Variants in RARS1 observed in about 807,000 individuals in gnomAD.
The protein encoded by RARS1 is arginyl-tRNA synthetase 1, also known as arginine--tRNA ligase, cytoplasmic.
RARS1 carries 75 observed loss-of-function variants against 78.7 expected under a neutral mutation model. The ratio of observed to expected loss-of-function variants is 0.95; its 90% CI spans 0.79 to 1.15. RARS1 has a LOEUF of 1.15. RARS1 is among the 50% of genes most tolerant of loss of function. The probability of loss-of-function intolerance (pLI) is 0.00; values close to 1 mark genes in which losing one functional copy is unlikely to be tolerated. For synonymous variants in RARS1, 273 were observed against 268.2 expected (o/e 1.02, Z -0.18); for missense variants, 787 against 787.5 (o/e 1.00, Z 0.01).
At chr5:168,509,950 G>T (rs1758534014) in intron 11 of RARS1, among the ~76,000 whole-genome samples, 1 of 152,116 alleles carries the variant, frequency 6.6e-6, no homozygotes, top group South Asian at 2.1e-4. Flanking sequence ...CAGCCTGGGT[G>T]ACAGAGCAAG....
In RARS1 at chr5:168,497,308, C is replaced by T. The variant is rs749161105; in HGVS notation, c.782C>T (p.Thr261Ile). Reference sequence around the variant, plus strand: ...CAAGACAAATTTCCAGATTATCTAACAGTTTCACCTCCTATTGGGGATCTT... The same window carrying T: ...CAAGACAAATTTCCAGATTATCTAATAGTTTCACCTCCTATTGGGGATCTT... ...HLQDKFPDYL[T>I]VSPPIGDLQV... Residue 261 changes from threonine to isoleucine, a missense_variant, in exon 7 of 15, where the codon ACA becomes ATA. Transcript: ENST00000231572. The T allele has an allele frequency of 6.3e-6, 10 of 1,591,216 alleles. No individual in the cohort carries two copies. Among genetic ancestry groups the T allele is most frequent in the East Asian group, 2.3e-5 (1 of 44,220 alleles).
chr5:168,501,452 C>G (rs1046563690), intron 8 of RARS1, among the ~76,000 whole-genome samples: 2 of 152,036 alleles, frequency 1.3e-5, no homozygotes, highest in African/African-American at 4.8e-5. Flanking sequence ...ACAAGAAGGA[C>G]ATGTTCCTTA....
At position 168,518,044 on chromosome 5, in the gene RARS1, G is replaced by A. The variant is rs762017124; in HGVS notation, c.1855G>A (p.Glu619Lys). 2.7e-6 allele frequency: 4 copies of A among 1,457,062 alleles called. No individual in the cohort carries two copies. The highest frequency in any genetic ancestry group is 9.2e-7 in the Non-Finnish European group (1 of 1,085,322). 90.3% of individuals were successfully genotyped at this position (1,457,062 alleles called of 1,614,324 possible). Residue 619 changes from glutamate (E) to lysine (K), a missense_variant, in exon 14 of 15, where the codon GAG becomes AAG. Transcript: ENST00000231572. Reference protein sequence around the residue: ...TEFYDSCYCVEKDRQTGKILK... With the variant: ...TEFYDSCYCVKKDRQTGKILK... Reference sequence around the variant, plus strand: ...GTTCTATGATAGCTGCTACTGTGTGGAGAAAGATAGACAGACTGGTGAGTG... The same window carrying A: ...GTTCTATGATAGCTGCTACTGTGTGAAGAAAGATAGACAGACTGGTGAGTG...
intron 5 of RARS1, chr5:168,495,094 A>G (rs1758156879): frequency 9.5e-6 from 7 of 736,544 alleles, no homozygotes; most frequent in Non-Finnish European, 1.4e-5. Flanking sequence ...ATTTGTATAC[A>G]TGAATTTGAT....
At chr5:168,496,772 T>C (rs1259175750) in intron 6 of RARS1, among the ~76,000 whole-genome samples, 7 of 152,134 alleles carry the variant, frequency 4.6e-5, no homozygotes, top group Admixed American at 4.6e-4. Flanking sequence ...GCGTGAGCCA[T>C]TGCACCCGGC....
intron 1 of RARS1, 103 bp downstream of exon 1, chr5:168,486,646 C>A: frequency 3.2e-6 from 4 of 1,241,402 alleles, no homozygotes; most frequent in Non-Finnish European, 4.6e-6. Flanking sequence ...GAGGACCATC[C>A]TGGTCCTCTC....
chr5:168,496,490 A>T (rs1758190419), intron 6 of RARS1, among the ~76,000 whole-genome samples: 1 of 148,684 alleles, frequency 6.7e-6, no homozygotes, highest in Admixed American at 6.7e-5. Flanking sequence ...TTGGATCAAC[A>T]TTTTTTTTTG....
At chr5:168,517,059 A>G (rs1758680331) in intron 13 of RARS1, 109 bp downstream of exon 13, 2 of 1,174,166 alleles carry the variant, frequency 1.7e-6, no homozygotes, top group Non-Finnish European at 2.4e-6. Flanking sequence ...CTTGGGCTCA[A>G]ATGATCCTCC....
Position 168,496,753 on chromosome 5 carries a change from G to T in RARS1, c.702-475G>T, listed in dbSNP as rs567551028. 5.2e-4 allele frequency among the ~76,000 whole-genome samples: 79 copies of T among 152,196 alleles called. 1 individual carries two copies. Among genetic ancestry groups the T allele is most frequent in the African/African-American group, 1.7e-3 (70 of 41,526 alleles). ...CCTGCCTCAGCCTCCCATAGTGCTG[G>T]GATTACAGGCGTGAGCCATTGCACC... On this transcript the variant is annotated intron_variant, in intron 6 of 14. Transcript: ENST00000231572.
chr5:168,505,311 T>C (rs1380509338), intron 9 of RARS1, among the ~76,000 whole-genome samples: 1 of 152,214 alleles, frequency 6.6e-6, no homozygotes, highest in Non-Finnish European at 1.5e-5. Flanking sequence ...ATCATGTTCT[T>C]CCTGTACCTT....
At position 168,497,088 on chromosome 5, in the gene RARS1, A is replaced by G. The variant is rs900026069; in HGVS notation, c.702-140A>G. On this transcript the variant is annotated intron_variant, in intron 6 of 14. Coordinates refer to ENST00000231572, the MANE Select transcript of RARS1 (RefSeq NM_002887.4). ...AGTTTGCAGACCAGTTGAAGAAACA[A>G]CCAAGTAAACAGATATTACTAAATG... 11 of 646,662 alleles carry G rather than the reference A, an allele frequency of 1.7e-5. No homozygotes were observed. The African/African-American group carries it at 1.9e-4, about 11-fold the overall frequency. The allele number at this position is 646,662 out of a possible 1,614,324, so 40.1% of individuals were successfully genotyped here.
intron 5 of RARS1, chr5:168,495,022 A>C: frequency 3.0e-6 from 1 of 329,594 alleles, no homozygotes; most frequent in Middle Eastern, 9.4e-4. Context: ...TTTTTCACTT[A>C]ATTCCACAAG....
chr5:168,500,448 C>G (rs867391431), intron 7 of RARS1, 143 bp from the exon 8 acceptor site: 1 of 778,698 alleles, frequency 1.3e-6, no homozygotes, highest in Non-Finnish European at 1.7e-6. Flanking sequence ...ACAGTATTCT[C>G]AACTATTGAG....
At position 168,494,005 on chromosome 5, in the gene RARS1, A is replaced by G; in HGVS notation, c.478+3A>G. The G allele has an allele frequency of 6.3e-7, 1 of 1,584,114 alleles. No individual in the cohort carries two copies. The highest frequency in any genetic ancestry group is 8.7e-7 in the Non-Finnish European group (1 of 1,153,440). ...AAAAGTTGAAATTGCTGGTCCTGGT[A>G]TGACATAATGTTATCCTTCTTAATA... On this transcript the variant is annotated splice_donor_region_variant and intron_variant, in intron 4 of 14. Transcript: ENST00000231572.
At chr5:168,505,991 T>G in intron 9 of RARS1, 30 bp from the exon 10 acceptor site, 1 of 1,561,538 alleles carries the variant, frequency 6.4e-7, no homozygotes, top group African/African-American at 1.4e-5. Context: ...TTCTTTTAAC[T>G]TTATTAATGA....
chr5:168,519,021 TTAA>T (rs1432346974), intron 14 of RARS1, 57 bp from the exon 15 acceptor site: 1 of 1,438,486 alleles, frequency 7.0e-7, no homozygotes, highest in Non-Finnish European at 9.7e-7. Context: ...CATAGATTCT[TTAA>T]TAATGATTTT....
At chr5:168,502,361 A>AATATATATATATAT (rs891831890) in intron 9 of RARS1, among the ~76,000 whole-genome samples, 1 of 133,600 alleles carries the variant, frequency 7.5e-6, no homozygotes, top group Non-Finnish European at 1.6e-5. Flanking sequence ...TATAATAACA[A>AATATATATATATAT]ATATATATAT....
At position 168,486,560 on chromosome 5, in the gene RARS1, C is replaced by A; in HGVS notation, c.45+17C>A. On this transcript the variant is annotated intron_variant, in intron 1 of 14. Transcript: ENST00000231572. ...CTGCAGCAGGTTTGGACGCAGGAGA[C>A]CGGCGGGAAGGCCTGAAAGAGATGG... The A allele has an allele frequency of 6.4e-7, 1 of 1,553,636 alleles. No homozygotes were observed. Among genetic ancestry groups the A allele is most frequent in the Non-Finnish European group, 8.7e-7 (1 of 1,147,944 alleles).
chr5:168,505,714 G>GAAAAAAAAAA (rs60743864), intron 9 of RARS1, among the ~76,000 whole-genome samples: 3 of 114,246 alleles, frequency 2.6e-5, no homozygotes, highest in Non-Finnish European at 3.6e-5. Context: ...TATCAAAAAA[G>GAAAAAAAAAA]AAAAAAAAAA....
Sources: gnomAD v4.1 joint callset for allele counts (sites outside exome capture counted in the v4.1 genomes callset) on GRCh38, gnomAD v4.1.1 for gene constraint, MANE v1.5 for transcripts, NCBI Gene and HGNC (gene_info 2026-07-23, HGNC 2026-07-21) for gene names.